The following TMEM108 variants were observed in gnomAD, a reference collection of about 807,000 sequenced individuals.
TMEM108 encodes the protein cancer/testis antigen 124.
Under a neutral mutation model 35.1 loss-of-function variants are expected in TMEM108, and 12 were observed. The ratio of observed to expected loss-of-function variants is 0.34; its 90% CI spans 0.22 to 0.55. The LOEUF is 0.55. Ranked by LOEUF, TMEM108 falls within the 20% of genes least tolerant of loss-of-function variation. The pLI is 0.89. For missense variants in TMEM108, 680 were observed against 753.3 expected, an observed-to-expected ratio of 0.90 and a Z score of 1.14; for synonymous variants, 287 against 308.6, an observed-to-expected ratio of 0.93 and a Z score of 0.73.
At chr3:133,325,886 G>T (rs927151284) in intron 3 of TMEM108, among the ~76,000 whole-genome samples, 2 of 151,858 alleles carry the variant, frequency 1.3e-5, no homozygotes, top group Non-Finnish European at 1.5e-5. Context: ...ATAACATTAT[G>T]TTTACATTTT....
At chr3:133,365,084 A>G (rs1416042229) in intron 3 of TMEM108, among the ~76,000 whole-genome samples, 2 of 152,232 alleles carry the variant, frequency 1.3e-5, no homozygotes, top group Non-Finnish European at 2.9e-5. Context: ...TGAGCAAGGC[A>G]GCTTTCTTAA....
chr3:133,325,531 T>C (rs1053864491), intron 3 of TMEM108, among the ~76,000 whole-genome samples: 1 of 152,084 alleles, frequency 6.6e-6, no homozygotes, highest in South Asian at 2.1e-4. Flanking sequence ...TTGCACCTTA[T>C]TCAGATCCTG....
chr3:133,093,746 T>C (rs1416099019), intron 2 of TMEM108, among the ~76,000 whole-genome samples: 1 of 152,218 alleles, frequency 6.6e-6, no homozygotes, highest in East Asian at 1.9e-4. Flanking sequence ...ACATTTAATG[T>C]TGCTTTAAAA....
At chr3:133,158,465 T>TAAAAAAAAAA (rs11328701) in intron 2 of TMEM108, among the ~76,000 whole-genome samples, 8 of 80,642 alleles carry the variant, frequency 9.9e-5, no homozygotes, top group South Asian at 4.4e-4. Flanking sequence ...AGACTCTGTC[T>TAAAAAAAAAA]AAAAAAAAAA....
intron 3 of TMEM108, among the ~76,000 whole-genome samples, chr3:133,278,832 A>G (rs1443324061): frequency 6.6e-6 from 1 of 152,214 alleles, no homozygotes; most frequent in Non-Finnish European, 1.5e-5. Context: ...CAGCATTGAC[A>G]TCACCAGGGA....
In TMEM108 at chr3:133,172,909, C is replaced by G. The variant is rs567809561; in HGVS notation, c.-46-56357C>G. ...CTGATGGTTTTATAAGGGGGAGTTT[C>G]CCTCCACAAGCTCTCTCTCTTTGCC... is the stretch of plus-strand genomic sequence containing the variant. On this transcript the variant is annotated intron_variant, in intron 2 of 5. Transcript: ENST00000321871. Among the ~76,000 whole-genome samples the G allele has an allele frequency of 1.2e-3, 186 of 152,226 alleles. 1 individual carries two copies. Among genetic ancestry groups the G allele is most frequent in the African/African-American group, 4.4e-3 (182 of 41,528 alleles).
At chr3:133,056,158 G>T (rs1031915702) in intron 2 of TMEM108, among the ~76,000 whole-genome samples, 3 of 122,790 alleles carry the variant, frequency 2.4e-5, no homozygotes, top group Non-Finnish European at 3.5e-5. Flanking sequence ...CCACCTGGCT[G>T]CAGGACAAGG....
chr3:133,169,090 C>A (rs1945089518), intron 2 of TMEM108, among the ~76,000 whole-genome samples: 1 of 152,244 alleles, frequency 6.6e-6, no homozygotes. Context: ...TTCTTGAAGT[C>A]AGTGAGACCA....
intron 3 of TMEM108, among the ~76,000 whole-genome samples, chr3:133,268,992 G>A (rs1946735914): frequency 6.6e-6 from 1 of 152,160 alleles, no homozygotes; most frequent in African/African-American, 2.4e-5. Flanking sequence ...CTTGCATATG[G>A]TCAACAGGAA....
chr3:133,103,536 A>G (rs1377479335), intron 2 of TMEM108, among the ~76,000 whole-genome samples: 1 of 152,086 alleles, frequency 6.6e-6, no homozygotes, highest in Non-Finnish European at 1.5e-5. Context: ...CCCCCATGAT[A>G]CAAGTTTACC....
chr3:133,143,988 TTTGC>T (rs1944678073), intron 2 of TMEM108, among the ~76,000 whole-genome samples: 1 of 151,374 alleles, frequency 6.6e-6, no homozygotes, highest in African/African-American at 2.4e-5. Context: ...TTTATTTTGC[TTTGC>T]TTTAAATTCT....
At chr3:133,278,314 A>G (rs561013940) in intron 3 of TMEM108, among the ~76,000 whole-genome samples, 1 of 152,364 alleles carries the variant, frequency 6.6e-6, no homozygotes, top group East Asian at 1.9e-4. Context: ...ATTTTAAAGC[A>G]GTCCATTCCA....
At chr3:133,256,629 G>A (rs1475851756) in intron 3 of TMEM108, among the ~76,000 whole-genome samples, 2 of 152,010 alleles carry the variant, frequency 1.3e-5, no homozygotes, top group East Asian at 3.8e-4. Context: ...TAGTAGGCAT[G>A]GCAAAATTTC....
rs537742201 is a variant in TMEM108 at position 133,357,201 on chromosome 3, AG to A, written c.41-22548del. The stretch of plus-strand genomic sequence containing the variant: ...AAAATGTTCAACATTACTAATCATC[AG>A]GGAAATGCTAATTAAAACCGCAGTG... On this transcript the variant is annotated intron_variant, in intron 3 of 5. Transcript: ENST00000321871. Among the ~76,000 whole-genome samples the A allele has an allele frequency of 2.6e-4, 39 of 152,350 alleles. No homozygotes were observed. In the Middle Eastern group the frequency reaches 0.017, roughly 66 times the overall value.
At chr3:133,318,959 A>G (rs910721657) in intron 3 of TMEM108, among the ~76,000 whole-genome samples, 1 of 147,314 alleles carries the variant, frequency 6.8e-6, no homozygotes, top group Non-Finnish European at 1.5e-5. Context: ...GCCTGGGGCT[A>G]GGTCTGAGTC....
intron 2 of TMEM108, among the ~76,000 whole-genome samples, chr3:133,118,336 T>A (rs1216948758): frequency 6.6e-6 from 1 of 152,164 alleles, no homozygotes; most frequent in Non-Finnish European, 1.5e-5. Context: ...TTAATAGTCT[T>A]ATCAGATTTT....
chr3:133,105,202 C>T (rs1358798803), intron 2 of TMEM108, among the ~76,000 whole-genome samples: 1 of 152,170 alleles, frequency 6.6e-6, no homozygotes, highest in Non-Finnish European at 1.5e-5. Context: ...CACTTCCGAG[C>T]TCACCAGGTG....
At chr3:133,216,625 C>T (rs140784531) in intron 2 of TMEM108, among the ~76,000 whole-genome samples, 89 of 152,150 alleles carry the variant, frequency 5.8e-4, no homozygotes, top group Non-Finnish European at 1.1e-3. Context: ...TGGTAACCAC[C>T]GTTCTACTCT....
intron 3 of TMEM108, among the ~76,000 whole-genome samples, chr3:133,336,730 A>G (rs1208729180): frequency 6.6e-6 from 1 of 152,040 alleles, no homozygotes; most frequent in Non-Finnish European, 1.5e-5. Context: ...GGGGCAGAGC[A>G]GCAAGGGGGC....
Sources: gnomAD v4.1 joint callset for allele counts (sites outside exome capture counted in the v4.1 genomes callset) on GRCh38, gnomAD v4.1.1 for gene constraint, MANE v1.5 for transcripts, NCBI Gene and HGNC (gene_info 2026-07-23, HGNC 2026-07-21) for gene names.